The following ITGB6 variants were observed in gnomAD, a reference collection of about 807,000 sequenced individuals.
ITGB6 encodes the protein integrin beta-6.
ITGB6 carries 80 observed loss-of-function variants against 84.5 expected under a neutral mutation model. That is an observed-to-expected ratio of 0.95 (90% CI 0.79 to 1.14). The LOEUF (loss-of-function observed/expected upper bound fraction) is 1.14, where lower values mean the gene tolerates loss of function less well. Among genes scored for constraint, ITGB6 ranks in the 50% most tolerant of loss-of-function variants. ITGB6 has a pLI of 0.00. For synonymous variants in ITGB6, 383 were observed against 354.9 expected (o/e 1.08, Z -0.89); for missense variants, 1,006 against 968.0 (o/e 1.04, Z -0.52).
intron 14 of ITGB6, among the ~76,000 whole-genome samples, chr2:160,107,336 C>T (rs1382499212): frequency 2.0e-5 from 3 of 152,026 alleles, no homozygotes; most frequent in Admixed American, 6.6e-5. Context: ...ATATAGCACC[C>T]GTGCTTTATC....
At chr2:160,119,630 C>T (rs1682941051) in intron 12 of ITGB6, among the ~76,000 whole-genome samples, 1 of 151,994 alleles carries the variant, frequency 6.6e-6, no homozygotes, top group Admixed American at 6.6e-5. Context: ...TCTAAAACAC[C>T]AAAAGCAATG....
intron 13 of ITGB6, among the ~76,000 whole-genome samples, chr2:160,110,392 T>G: frequency 6.6e-6 from 1 of 152,234 alleles, no homozygotes; most frequent in Non-Finnish European, 1.5e-5. Flanking sequence ...AAATGAGAGC[T>G]GCTATTATAA....
intron 7 of ITGB6, among the ~76,000 whole-genome samples, chr2:160,146,709 A>G (rs1452967169): frequency 6.6e-6 from 1 of 151,954 alleles, no homozygotes; most frequent in East Asian, 1.9e-4. Flanking sequence ...ATCAACTTTA[A>G]TGGCAGCGTA....
intron 4 of ITGB6, among the ~76,000 whole-genome samples, chr2:160,174,694 C>T (rs1392393753): frequency 2.6e-5 from 4 of 152,146 alleles, no homozygotes; most frequent in Non-Finnish European, 4.4e-5. Context: ...AAAACCACTA[C>T]TTAAGGTACA....
chr2:160,106,220 T>C (rs1574030358), intron 14 of ITGB6, among the ~76,000 whole-genome samples: 1 of 152,322 alleles, frequency 6.6e-6, no homozygotes, highest in South Asian at 2.1e-4. Flanking sequence ...TTAATCTTTT[T>C]TCAGTCTTTT....
intron 2 of ITGB6, among the ~76,000 whole-genome samples, chr2:160,198,092 A>T (rs796641577): frequency 6.4e-4 from 97 of 152,336 alleles, no homozygotes; most frequent in African/African-American, 2.2e-3. Context: ...TTGTTGTTGT[A>T]TCTCTCTGGC....
chr2:160,116,604 A>G (rs2105786601), intron 12 of ITGB6, among the ~76,000 whole-genome samples: 1 of 152,168 alleles, frequency 6.6e-6, no homozygotes, highest in Admixed American at 6.5e-5. Context: ...AACTGCATCA[A>G]CTAACGAGCA....
chr2:160,162,807 A>G (rs764864266), intron 7 of ITGB6, among the ~76,000 whole-genome samples: 1 of 152,090 alleles, frequency 6.6e-6, no homozygotes, highest in Non-Finnish European at 1.5e-5. Context: ...TTTAGTAGAG[A>G]CAGGGTTTCG....
chr2:160,143,259 T>G (rs1274694081), intron 7 of ITGB6, among the ~76,000 whole-genome samples: 1 of 152,158 alleles, frequency 6.6e-6, no homozygotes, highest in Admixed American at 6.6e-5. Context: ...CACTCCAGCC[T>G]GGGTGACAAA....
chr2:160,143,548 CTCTT>C (rs1183307260), intron 7 of ITGB6, among the ~76,000 whole-genome samples: 24 of 152,150 alleles, frequency 1.6e-4, no homozygotes, highest in African/African-American at 5.3e-4. Context: ...TCAACAACCA[CTCTT>C]TCTTTCAGCT....
chr2:160,124,945 G>C (rs1220294975), intron 11 of ITGB6, among the ~76,000 whole-genome samples: 1 of 152,208 alleles, frequency 6.6e-6, no homozygotes, highest in Non-Finnish European at 1.5e-5. Context: ...ATTTGGAGTG[G>C]TTTTGAAGGG....
intron 12 of ITGB6, among the ~76,000 whole-genome samples, chr2:160,118,711 G>T (rs1264120024): frequency 2.0e-5 from 3 of 151,044 alleles, no homozygotes; most frequent in Admixed American, 6.6e-5. Context: ...ATTAGGAAAA[G>T]AGGAAGTCAA....
At chr2:160,170,558 C>A (rs1685162070) in intron 6 of ITGB6, among the ~76,000 whole-genome samples, 1 of 152,142 alleles carries the variant, frequency 6.6e-6, no homozygotes, top group Non-Finnish European at 1.5e-5. Flanking sequence ...CCACATAGTC[C>A]TTCGAAGGTG....
intron 8 of ITGB6, among the ~76,000 whole-genome samples, chr2:160,141,020 A>T (rs532963121): frequency 1.3e-5 from 2 of 152,146 alleles, no homozygotes; most frequent in Non-Finnish European, 2.9e-5. Context: ...CGTTTTAGTT[A>T]AGGAATGCTG....
intron 13 of ITGB6, among the ~76,000 whole-genome samples, chr2:160,109,467 G>A (rs181391834): frequency 8.4e-4 from 128 of 152,298 alleles, no homozygotes; most frequent in African/African-American, 2.6e-3. Context: ...CTACAATCCT[G>A]CACCTAGACA....
chr2:160,140,651 A>G (rs1683964669), intron 8 of ITGB6, among the ~76,000 whole-genome samples: 2 of 152,208 alleles, frequency 1.3e-5, no homozygotes, highest in Admixed American at 6.5e-5. Context: ...GTTGATGAGC[A>G]TTCCTGACTG....
intron 7 of ITGB6, among the ~76,000 whole-genome samples, chr2:160,167,351 A>G (rs547760690): frequency 2.0e-5 from 3 of 152,342 alleles, no homozygotes; most frequent in Admixed American, 2.0e-4. Context: ...TCTTTAGGCC[A>G]GGCTGCTGCC....
Position 160,196,361 on chromosome 2 carries a change from A to C in ITGB6, c.201T>G (p.Ala67=). Residue 67 remains alanine (A), a synonymous_variant, in exon 3 of 15, where the codon GCT becomes GCG. Coordinates refer to ENST00000283249, the MANE Select transcript of ITGB6 (RefSeq NM_000888.5). ...ERCDTPANLL[A]KGCQLNFIEN... is the part of the protein sequence containing the mutation. The stretch of plus-strand genomic sequence containing the variant: ...CGATGAAGTTTAATTGACATCCTTT[A>C]GCTAAAAGGTTTGCTGGGGTATCAC... 2.5e-6 allele frequency: 4 copies of C among 1,614,086 alleles called. No homozygotes were observed. The highest frequency in any genetic ancestry group is 2.2e-5 in the East Asian group (1 of 44,860).
intron 4 of ITGB6, among the ~76,000 whole-genome samples, chr2:160,189,401 T>C (rs955031391): frequency 1.2e-4 from 18 of 152,024 alleles, no homozygotes; most frequent in African/African-American, 4.3e-4. Flanking sequence ...GAAACCACCA[T>C]CGGAATGAAC....
Sources: allele counts gnomAD v4.1 joint callset (sites outside exome capture counted in the v4.1 genomes callset), GRCh38; gene constraint gnomAD v4.1.1; transcripts MANE v1.5; gene names NCBI Gene and HGNC (gene_info 2026-07-23, HGNC 2026-07-21).